Variants in MICU1 observed in about 807,000 individuals in gnomAD.
The protein encoded by MICU1 is calcium uptake protein 1, mitochondrial.
A neutral mutation model predicts 56.8 loss-of-function variants in MICU1; 45 were observed. The observed-to-expected ratio is 0.79, with a 90% CI of 0.62 to 1.02. MICU1 has a LOEUF of 1.02. Ranked by LOEUF, MICU1 falls within the 50% of genes least tolerant of loss-of-function variation. The pLI, the probability that MICU1 is intolerant of heterozygous loss-of-function variation, is 0.00. For synonymous variants in MICU1, 186 were observed against 195.1 expected (o/e 0.95, Z 0.39); for missense variants, 504 against 587.1 (o/e 0.86, Z 1.46).
At chr10:72,544,135 C>A (rs1309298037) in intron 4 of MICU1, among the ~76,000 whole-genome samples, 1 of 151,936 alleles carries the variant, frequency 6.6e-6, no homozygotes, top group Non-Finnish European at 1.5e-5. Context: ...CTGTTCTGTT[C>A]TGATTACCGG....
chr10:72,383,371 C>T (rs540232640), intron 10 of MICU1, among the ~76,000 whole-genome samples: 2 of 152,270 alleles, frequency 1.3e-5, no homozygotes, highest in African/African-American at 4.8e-5. Flanking sequence ...CATTCAGAGA[C>T]AATCAATGTC....
At chr10:72,568,069 G>A (rs541833316) in intron 1 of MICU1, among the ~76,000 whole-genome samples, 6 of 152,150 alleles carry the variant, frequency 3.9e-5, no homozygotes, top group South Asian at 2.1e-4. Flanking sequence ...AGTTAGGTAG[G>A]GAGACTTCAA....
At chr10:72,624,751 G>C (rs2132599855) in intron 1 of MICU1, among the ~76,000 whole-genome samples, 1 of 152,234 alleles carries the variant, frequency 6.6e-6, no homozygotes, top group Middle Eastern at 3.4e-3. Flanking sequence ...ATATTAGGTA[G>C]CCAGAGTGAT....
Position 72,475,260 on chromosome 10 carries a change from A to G in MICU1, c.773T>C (p.Met258Thr). Residue 258 changes from methionine (M) to threonine (T), a missense_variant, in exon 8 of 12, where the codon ATG (methionine) becomes ACG (threonine). By Grantham distance (81) the Met-to-Thr change is moderately conservative (BLOSUM62 -1). Transcript: ENST00000361114. ...SIIRSQTSMG[M>T]RHRDRPTTGN... Reference sequence around the variant, plus strand: ...AGTAGTTGGACGATCTCTGTGGCGCATACCCATACTGGTTTGGGAGCGAAT... The same window carrying G: ...AGTAGTTGGACGATCTCTGTGGCGCGTACCCATACTGGTTTGGGAGCGAAT... 4 of 1,609,350 alleles carry G rather than the reference A, an allele frequency of 2.5e-6. No individual in the cohort carries two copies. Among genetic ancestry groups the G allele is most frequent in the Non-Finnish European group, 3.4e-6 (4 of 1,177,608 alleles).
intron 4 of MICU1, among the ~76,000 whole-genome samples, chr10:72,549,242 G>A (rs1311271256): frequency 6.6e-6 from 1 of 150,454 alleles, no homozygotes; most frequent in Non-Finnish European, 1.5e-5. Flanking sequence ...CCAGGCTGGG[G>A]TGCAGTGGTG....
chr10:72,418,787 T>C (rs1864065429), intron 9 of MICU1, among the ~76,000 whole-genome samples: 3 of 152,220 alleles, frequency 2.0e-5, no homozygotes. Flanking sequence ...TGATTCCCCT[T>C]TTATAGGAAA....
chr10:72,467,088 T>G (rs1485851104), intron 8 of MICU1, among the ~76,000 whole-genome samples: 2 of 152,154 alleles, frequency 1.3e-5, no homozygotes, highest in African/African-American at 4.8e-5. Flanking sequence ...GACCTCCACC[T>G]CCTGGGTCCA....
chr10:72,465,503 CTTTTTTTTTTT>C (rs10586216), intron 8 of MICU1, among the ~76,000 whole-genome samples: 5 of 57,748 alleles, frequency 8.7e-5, no homozygotes, highest in Admixed American at 3.1e-4. Context: ...CTGTTCAGGT[CTTTTTTTTTTT>C]TTTTTTTTTT....
chr10:72,403,717 G>A (rs1177919841), intron 10 of MICU1, among the ~76,000 whole-genome samples: 2 of 151,026 alleles, frequency 1.3e-5, no homozygotes, highest in Non-Finnish European at 3.0e-5. Flanking sequence ...GTGCAGTGGT[G>A]CAATCTCGGC....
intron 1 of MICU1, among the ~76,000 whole-genome samples, chr10:72,612,909 AAGAG>A (rs998992428): frequency 6.6e-6 from 1 of 152,154 alleles, no homozygotes; most frequent in Non-Finnish European, 1.5e-5. Flanking sequence ...AAGAATAAAA[AAGAG>A]AGAGAAAAGA....
intron 1 of MICU1, among the ~76,000 whole-genome samples, chr10:72,619,842 A>C (rs1319569404): frequency 6.6e-6 from 1 of 152,192 alleles, no homozygotes. Context: ...ACAAATAGCC[A>C]TGTAAAGGCA....
At chr10:72,552,578 G>A (rs976782308) in intron 3 of MICU1, among the ~76,000 whole-genome samples, 3 of 151,992 alleles carry the variant, frequency 2.0e-5, no homozygotes, top group African/African-American at 7.2e-5. Context: ...TTTTTGAGAT[G>A]GAGTTTTGTT....
At chr10:72,601,705 G>A (rs183001378) in intron 1 of MICU1, among the ~76,000 whole-genome samples, 1,984 of 152,058 alleles carry the variant, frequency 0.013, 18 homozygotes, top group Non-Finnish European at 0.018. Flanking sequence ...GAAAGCGTGT[G>A]TATTAATATG....
intron 6 of MICU1, among the ~76,000 whole-genome samples, chr10:72,498,738 C>T (rs554577035): frequency 3.3e-5 from 5 of 152,168 alleles, no homozygotes; most frequent in Admixed American, 6.5e-5. Context: ...TCAGATACCA[C>T]AAGGAATTGA....
chr10:72,545,420 A>T (rs1839872110), intron 4 of MICU1, among the ~76,000 whole-genome samples: 1 of 152,252 alleles, frequency 6.6e-6, no homozygotes, highest in Middle Eastern at 3.2e-3. Context: ...AAGATATAAG[A>T]CATCAGTTAA....
intron 7 of MICU1, among the ~76,000 whole-genome samples, chr10:72,476,519 G>A (rs1027872335): frequency 2.6e-5 from 4 of 152,110 alleles, no homozygotes; most frequent in Non-Finnish European, 4.4e-5. Flanking sequence ...ATGAGTGATC[G>A]TGTTCAGCCC....
At chr10:72,512,895 G>T (rs564686719) in intron 5 of MICU1, among the ~76,000 whole-genome samples, 39 of 152,080 alleles carry the variant, frequency 2.6e-4, no homozygotes, top group African/African-American at 8.7e-4. Context: ...TGTAGAGATG[G>T]GGTTTTGCCA....
chr10:72,500,676 A>G (rs1867041389), intron 6 of MICU1, among the ~76,000 whole-genome samples: 1 of 152,120 alleles, frequency 6.6e-6, no homozygotes, highest in Admixed American at 6.6e-5. Context: ...TTTTCATGTT[A>G]TTAGCCCACA....
At position 72,468,294 on chromosome 10, in the gene MICU1, CTTTT is replaced by C. The variant is rs35225891; in HGVS notation, c.933+6802_933+6805del. On this transcript the variant is annotated intron_variant, in intron 8 of 11. Coordinates refer to ENST00000361114, the MANE Select transcript of MICU1 (RefSeq NM_001195518.2). ...TCTTTCTTCTACAAATTAGTTTTTG[CTTTT>C]TTTTTTTTTTTTGATATGACAGCTC... Among the ~76,000 whole-genome samples, 181 of 136,644 alleles carry C rather than the reference CTTTT, an allele frequency of 1.3e-3. 1 individual carries two copies. The highest frequency in any genetic ancestry group is 3.9e-3 in the Middle Eastern group (1 of 258). The allele number at this position is 136,644 out of a possible 152,430, so 89.6% of individuals were successfully genotyped here. A position where few individuals can be genotyped will look rare whatever the true frequency, so the allele number is the denominator to read the frequency against.
Sources: gnomAD v4.1 joint callset for allele counts (sites outside exome capture counted in the v4.1 genomes callset) on GRCh38, gnomAD v4.1.1 for gene constraint, MANE v1.5 for transcripts, NCBI Gene and HGNC (gene_info 2026-07-23, HGNC 2026-07-21) for gene names.